Variants in SDK1 observed in about 807,000 individuals in gnomAD.
SDK1 encodes the protein protein sidekick-1.
SDK1 carries 157 observed loss-of-function variants against 245.5 expected under a neutral mutation model. The ratio of observed to expected loss-of-function variants is 0.64; its 90% CI spans 0.56 to 0.73. The LOEUF (loss-of-function observed/expected upper bound fraction) is 0.73, where lower values mean the gene tolerates loss of function less well. SDK1 is among the 30% of genes least tolerant of loss of function. The pLI is 0.00. For missense variants in SDK1, 3,583 were observed against 3,002.3 expected, an observed-to-expected ratio of 1.19 and a Z score of -4.52; for synonymous variants, 1,647 against 1,278.5, an observed-to-expected ratio of 1.29 and a Z score of -6.15.
intron 17 of SDK1, among the ~76,000 whole-genome samples, chr7:4,035,514 G>A (rs1788144316): frequency 6.6e-6 from 1 of 152,104 alleles, no homozygotes; most frequent in African/African-American, 2.4e-5. Flanking sequence ...TGGTGGGAGT[G>A]GCATGGCAGA....
At chr7:3,476,519 C>G (rs1202529153) in intron 1 of SDK1, among the ~76,000 whole-genome samples, 3 of 152,104 alleles carry the variant, frequency 2.0e-5, no homozygotes, top group African/African-American at 4.8e-5. Flanking sequence ...CTTCTAATAC[C>G]TTATTACCAA....
intron 1 of SDK1, among the ~76,000 whole-genome samples, chr7:3,592,313 T>C (rs1387171261): frequency 6.6e-6 from 1 of 152,066 alleles, no homozygotes; most frequent in Admixed American, 6.6e-5. Flanking sequence ...TTCTCCCCTC[T>C]CCCCCACCTT....
At chr7:4,029,510 C>T (rs780158380) in intron 17 of SDK1, among the ~76,000 whole-genome samples, 1 of 149,894 alleles carries the variant, frequency 6.7e-6, no homozygotes, top group Non-Finnish European at 1.5e-5. Context: ...TATGCCCTGC[C>T]GATTTTCTTT....
At chr7:3,545,218 C>G (rs959527262) in intron 1 of SDK1, among the ~76,000 whole-genome samples, 2 of 152,058 alleles carry the variant, frequency 1.3e-5, no homozygotes, top group Non-Finnish European at 2.9e-5. Context: ...TGAGAAAGAA[C>G]TATGAGGAAT....
chr7:3,991,937 G>A (rs1261913132), intron 14 of SDK1, among the ~76,000 whole-genome samples: 2 of 152,234 alleles, frequency 1.3e-5, no homozygotes, highest in East Asian at 3.8e-4. Context: ...GCTAATTAGA[G>A]CCAGAAAGAA....
chr7:3,360,981 T>C (rs1018787119), intron 1 of SDK1, among the ~76,000 whole-genome samples: 1 of 152,206 alleles, frequency 6.6e-6, no homozygotes, highest in African/African-American at 2.4e-5. Context: ...TTATAGCATA[T>C]GTGCTAAAGA....
chr7:3,708,782 T>G (rs1301945024), intron 4 of SDK1, among the ~76,000 whole-genome samples: 1 of 152,252 alleles, frequency 6.6e-6, no homozygotes, highest in African/African-American at 2.4e-5. Context: ...ATATCCAAAC[T>G]CTATTACCTT....
chr7:3,821,817 T>G (rs571111277), intron 5 of SDK1, among the ~76,000 whole-genome samples: 368 of 152,160 alleles, frequency 2.4e-3, no homozygotes, highest in Non-Finnish European at 3.9e-3. Context: ...AGATCTTTTT[T>G]GGGAATTAAA....
chr7:4,009,242 C>A (rs7807772), intron 14 of SDK1, among the ~76,000 whole-genome samples: 1 of 152,062 alleles, frequency 6.6e-6, no homozygotes, highest in Admixed American at 6.5e-5. Flanking sequence ...TTCTACATAC[C>A]AGTTCTCTTC....
chr7:3,483,481 G>C (rs946203887), intron 1 of SDK1, among the ~76,000 whole-genome samples: 1 of 152,022 alleles, frequency 6.6e-6, no homozygotes, highest in Non-Finnish European at 1.5e-5. Context: ...TGATTTTCTA[G>C]GTGAATAATC....
intron 4 of SDK1, among the ~76,000 whole-genome samples, chr7:3,678,342 C>G (rs1327153869): frequency 6.6e-6 from 1 of 152,154 alleles, no homozygotes; most frequent in Non-Finnish European, 1.5e-5. Context: ...GCATTATTCA[C>G]AACAGCAAAA....
chr7:3,654,273 C>T (rs1387919858), intron 4 of SDK1, among the ~76,000 whole-genome samples: 3 of 152,188 alleles, frequency 2.0e-5, no homozygotes, highest in African/African-American at 7.2e-5. Context: ...GTCCCCTTGT[C>T]TGAACTGCTC....
chr7:3,377,375 C>T (rs1428481493), intron 1 of SDK1, among the ~76,000 whole-genome samples: 3 of 152,142 alleles, frequency 2.0e-5, no homozygotes, highest in African/African-American at 7.2e-5. Flanking sequence ...GTTGTGTGGA[C>T]ATTCCAGCTG....
At chr7:4,035,055 C>T (rs748990636) in intron 17 of SDK1, among the ~76,000 whole-genome samples, 3 of 152,138 alleles carry the variant, frequency 2.0e-5, no homozygotes, top group Admixed American at 6.6e-5. Flanking sequence ...CTTGGCTCAC[C>T]GCAACTTCCA....
chr7:4,162,369 GTTA>G (rs533484732), intron 32 of SDK1, among the ~76,000 whole-genome samples: 11,060 of 127,796 alleles, frequency 0.087, 520 homozygotes, highest in Middle Eastern at 0.17. Flanking sequence ...TGTTGTTGTT[GTTA>G]TTATTATTAT....
At chr7:3,384,584 C>G (rs59679657) in intron 1 of SDK1, among the ~76,000 whole-genome samples, 1,398 of 125,810 alleles carry the variant, frequency 0.011, 29 homozygotes, top group African/African-American at 0.033. Flanking sequence ...TGTTTTACAT[C>G]ATACCCTCGA....
intron 1 of SDK1, among the ~76,000 whole-genome samples, chr7:3,612,827 G>T (rs184965673): frequency 6.6e-6 from 1 of 152,256 alleles, no homozygotes; most frequent in Admixed American, 6.5e-5. Flanking sequence ...GCACCTGATT[G>T]ACGGTGCTGA....
At chr7:3,415,170 G>A (rs7785207) in intron 1 of SDK1, among the ~76,000 whole-genome samples, 24,525 of 152,132 alleles carry the variant, frequency 0.16, 3,194 homozygotes, top group African/African-American at 0.36. Flanking sequence ...TATCACAGTA[G>A]CTATGAAAGG....
chr7:4,109,597 G>A (rs891436155), intron 22 of SDK1, among the ~76,000 whole-genome samples: 5 of 152,296 alleles, frequency 3.3e-5, no homozygotes, highest in East Asian at 3.9e-4. Context: ...AGAGCCACAC[G>A]GCCACACGAA....
Sources: gnomAD v4.1 joint callset for allele counts (sites outside exome capture counted in the v4.1 genomes callset) on GRCh38, gnomAD v4.1.1 for gene constraint, MANE v1.5 for transcripts, NCBI Gene and HGNC (gene_info 2026-07-23, HGNC 2026-07-21) for gene names.